The following SRR variants were observed in gnomAD, a reference collection of about 807,000 sequenced individuals.
SRR encodes the protein D-serine ammonia-lyase.
In SRR, 19 loss-of-function variants were observed where a neutral mutation model predicts 32.7. The ratio of observed to expected loss-of-function variants is 0.58; its 90% CI spans 0.40 to 0.85. SRR has a LOEUF of 0.85. Among genes scored for constraint, SRR ranks in the 40% least tolerant of loss-of-function variants. The probability of loss-of-function intolerance (pLI) is 0.00; values close to 1 mark genes in which losing one functional copy is unlikely to be tolerated. For synonymous variants in SRR, 142 were observed against 140.9 expected (o/e 1.01, Z -0.06); for missense variants, 373 against 404.7 (o/e 0.92, Z 0.67).
chr17:2,304,795 G>A (rs910822388), intron 1 of SRR, among the ~76,000 whole-genome samples: 3 of 151,658 alleles, frequency 2.0e-5, no homozygotes, highest in African/African-American at 7.3e-5. Flanking sequence ...GAATTTCTGT[G>A]TCACTATGGA....
chr17:2,303,670 C>A, upstream of SRR: 1 of 1,493,946 alleles, frequency 6.7e-7, no homozygotes, highest in Non-Finnish European at 8.9e-7. Context: ...TAGCCAGGAT[C>A]CCGCGCAGCT....
At chr17:2,321,457 C>CT in intron 5 of SRR, 32 bp downstream of exon 5, 1 of 1,611,192 alleles carries the variant, frequency 6.2e-7, no homozygotes, top group South Asian at 1.1e-5. Flanking sequence ...TGTTTAGCTA[C>CT]TGGTAAAGCT....
intron 3 of SRR, among the ~76,000 whole-genome samples, chr17:2,318,467 T>TC (rs1374663598): frequency 1.4e-5 from 2 of 146,464 alleles, no homozygotes; most frequent in Non-Finnish European, 1.5e-5. Context: ...TTTCTTTCTT[T>TC]TTTTTTTTTT....
At chr17:2,304,486 A>G (rs1187668682) in intron 1 of SRR, among the ~76,000 whole-genome samples, 1 of 149,942 alleles carries the variant, frequency 6.7e-6, no homozygotes, top group Non-Finnish European at 1.5e-5. Flanking sequence ...CAGGTGATCC[A>G]CCCGCGTCGG....
chr17:2,324,685 C>A lies in SRR; in HGVS notation c.*812C>A, dbSNP rs749819045. On this transcript the variant is annotated 3_prime_UTR_variant, in exon 8 of 8. Transcript: ENST00000344595. ...CAGATCCCATCCTCCTCCTTCATAC[C>A]CACCTCTGTTGAAGAACATGTAACG... The A allele has an allele frequency of 6.2e-7, 1 of 1,614,000 alleles. No homozygotes were observed. Among genetic ancestry groups the A allele is most frequent in the South Asian group, 1.1e-5 (1 of 91,062 alleles).
chr17:2,307,758 G>A, intron 1 of SRR: 1 of 889,848 alleles, frequency 1.1e-6, no homozygotes, highest in South Asian at 1.3e-5. Context: ...AGCCAGCGAA[G>A]TGACAGGGAA....
At chr17:2,316,815 C>G (rs938446542) in intron 2 of SRR, among the ~76,000 whole-genome samples, 8 of 152,018 alleles carry the variant, frequency 5.3e-5, no homozygotes, top group African/African-American at 1.9e-4. Context: ...CAGGTTCACG[C>G]CATTCTCCTG....
At chr17:2,313,784 C>T (rs1259958860) in intron 1 of SRR, among the ~76,000 whole-genome samples, 1 of 152,052 alleles carries the variant, frequency 6.6e-6, no homozygotes, top group Non-Finnish European at 1.5e-5. Context: ...CTATGAGATT[C>T]ATTGATATTC....
intron 1 of SRR, among the ~76,000 whole-genome samples, chr17:2,306,056 G>A (rs1402055210): frequency 1.3e-5 from 2 of 149,270 alleles, no homozygotes; most frequent in Non-Finnish European, 3.0e-5. Context: ...GGTGGCTCAC[G>A]CCTGTAATCC....
chr17:2,307,055 A>G, intron 1 of SRR: 1 of 1,208,478 alleles, frequency 8.3e-7, no homozygotes, highest in Non-Finnish European at 1.2e-6. Flanking sequence ...CAAAGACCAG[A>G]TGCCCACTTA....
intron 4 of SRR, among the ~76,000 whole-genome samples, chr17:2,320,299 A>G (rs1364119474): frequency 1.9e-5 from 2 of 108,044 alleles, no homozygotes; most frequent in African/African-American, 7.5e-5. Context: ...CCCGTCTCCC[A>G]GGCTGGAGTG....
chr17:2,321,941 C>T (rs2075532724), intron 6 of SRR, among the ~76,000 whole-genome samples: 1 of 152,140 alleles, frequency 6.6e-6, no homozygotes, highest in East Asian at 1.9e-4. Context: ...CCACACCCCG[C>T]TAATTTTTTT....
Position 2,322,104 on chromosome 17 carries a change from ATTT to A in SRR, c.594+494_594+496del, listed in dbSNP as rs948593414. ...CCTATTTATTATTTCTAATATTTTT[ATTT>A]TTTTTAAGAGATGGGGTCTTGCTGT... On this transcript the variant is annotated intron_variant, in intron 6 of 7. Coordinates refer to ENST00000344595, the MANE Select transcript of SRR (RefSeq NM_021947.3). 2.0e-5 allele frequency among the ~76,000 whole-genome samples: 3 copies of A among 151,868 alleles called. No homozygotes were observed. The South Asian group carries it at 6.2e-4, about 32-fold the overall frequency.
intron 1 of SRR, chr17:2,307,356 T>C: frequency 9.4e-7 from 1 of 1,065,362 alleles, no homozygotes; most frequent in Non-Finnish European, 1.4e-6. Context: ...AAAGTACTTC[T>C]GGAAACTTTG....
intron 1 of SRR, chr17:2,307,303 T>G: frequency 9.1e-7 from 1 of 1,102,824 alleles, no homozygotes; most frequent in South Asian, 1.2e-5. Context: ...GAAAGGCCTG[T>G]CAAAGCAAGA....
At chr17:2,304,131 C>T (rs12450028) in intron 1 of SRR, 114 bp downstream of exon 1, 41,842 of 160,902 alleles carry the variant, frequency 0.26, 7,043 homozygotes, top group Admixed American at 0.36. Flanking sequence ...TTGACAGAGA[C>T]ACCCCTCAGC....
intron 4 of SRR, among the ~76,000 whole-genome samples, chr17:2,320,945 A>C (rs1001362270): frequency 7.2e-5 from 11 of 152,038 alleles, no homozygotes; most frequent in Admixed American, 6.6e-4. Context: ...AAGGCCAAGC[A>C]CTCCTACTTT....
chr17:2,319,317 A>G (rs561957684), intron 4 of SRR, among the ~76,000 whole-genome samples: 1 of 152,284 alleles, frequency 6.6e-6, no homozygotes, highest in African/African-American at 2.4e-5. Context: ...TAGTTACTCA[A>G]AAAAAAGTTG....
upstream of SRR, chr17:2,303,930 G>C (rs1464736521): frequency 2.3e-6 from 1 of 426,752 alleles, no homozygotes; most frequent in Admixed American, 4.7e-5. Flanking sequence ...GAGCCTGGGT[G>C]GGGCGGGCGG....
Sources: gnomAD v4.1 joint callset for allele counts (sites outside exome capture counted in the v4.1 genomes callset) on GRCh38, gnomAD v4.1.1 for gene constraint, MANE v1.5 for transcripts, NCBI Gene and HGNC (gene_info 2026-07-23, HGNC 2026-07-21) for gene names.